The following TMEM132E variants were observed in gnomAD, a reference collection of about 807,000 sequenced individuals.
The protein encoded by TMEM132E is transmembrane protein 132E.
A neutral mutation model predicts 78.5 loss-of-function variants in TMEM132E; 49 were observed. That is an observed-to-expected ratio of 0.62 (90% CI 0.50 to 0.79). TMEM132E has a LOEUF of 0.79. Ranked by LOEUF, TMEM132E falls within the 30% of genes least tolerant of loss-of-function variation. TMEM132E has a pLI of 0.00. For missense variants in TMEM132E, 1,403 were observed against 1,470.9 expected (o/e 0.95, Z 0.75); for synonymous variants, 715 against 670.6 (o/e 1.07, Z -1.02).
In TMEM132E at chr17:34,626,468, G is replaced by A. The variant is rs1437910960; in HGVS notation, c.409G>A (p.Ala137Thr). Residue 137 changes from alanine to threonine, a missense_variant, in exon 2 of 9, where the codon GCC (alanine) becomes ACC (threonine). Physicochemically the swap from Ala to Thr is moderately conservative, Grantham distance 58. Around this residue, in one of 3 missense-constraint regions of TMEM132E, gnomAD observed 511 missense variants for 499.0 expected, o/e 1.02. Coordinates refer to ENST00000631683, the MANE Select transcript of TMEM132E (RefSeq NM_001304438.2). ...RAFIVRSHVP[A>T]SQPVVQVLFY... ...CTTCATCGTCCGCTCGCACGTGCCC[G>A]CCTCGCAGCCCGTGGTCCAGGTGCT... 1 of 1,612,866 alleles carries A rather than the reference G, an allele frequency of 6.2e-7. No homozygotes were observed. The highest frequency in any genetic ancestry group is 1.7e-5 in the Admixed American group (1 of 60,000).
Position 34,580,894 on chromosome 17 carries a change from C to T in TMEM132E, c.-183C>T, listed in dbSNP as rs1246092053. The T allele has an allele frequency of 3.0e-5, 14 of 468,126 alleles. No individual in the cohort carries two copies. Among genetic ancestry groups the T allele is most frequent in the South Asian group, 7.3e-5 (2 of 27,350 alleles). The allele number at this position is 468,126 out of a possible 1,614,324, so 29.0% of individuals were successfully genotyped here. ...CCCCCACCGGCTCCGAGGGTGTAGCCGCCAGCGCCTGGGACGCCCCCTCCC... is the reference window on the plus strand; with the variant it reads ...CCCCCACCGGCTCCGAGGGTGTAGCTGCCAGCGCCTGGGACGCCCCCTCCC... On this transcript the variant is annotated 5_prime_UTR_variant, in exon 1 of 9. Transcript: ENST00000631683.
chr17:34,623,433 G>A lies in TMEM132E; in HGVS notation c.68-2694G>A, dbSNP rs377635953. ...CCCCCCCCCGTCCCTCTACAGCCTG[G>A]ATAGTGAGCACTGAGAGCCCACTGA... On this transcript the variant is annotated intron_variant, in intron 1 of 8. Coordinates refer to ENST00000631683, the MANE Select transcript of TMEM132E (RefSeq NM_001304438.2). Among the ~76,000 whole-genome samples the A allele has an allele frequency of 5.8e-4, 85 of 146,516 alleles. No individual in the cohort carries two copies. In the East Asian group the frequency reaches 0.015, roughly 25 times the overall value.
intron 2 of TMEM132E, 55 bp from the exon 3 acceptor site, chr17:34,628,508 C>T (rs1796884750): frequency 4.4e-6 from 7 of 1,600,290 alleles, no homozygotes; most frequent in South Asian, 1.1e-5. Context: ...GCCAGGCAGG[C>T]AGCTTTGGGC....
At position 34,624,613 on chromosome 17, in the gene TMEM132E, G is replaced by C. The variant is rs371574061; in HGVS notation, c.68-1514G>C. 1.6e-4 allele frequency among the ~76,000 whole-genome samples: 25 copies of C among 152,306 alleles called. 2 individuals are homozygous for C. In the East Asian group the frequency reaches 1.9e-3, roughly 12 times the overall value. ...CAGAGGGTGCAGCATGAACAAAGGA[G>C]GGGAGATAAGGCAGCAGCCGTGAGT... is the stretch of plus-strand genomic sequence containing the variant. On this transcript the variant is annotated intron_variant, in intron 1 of 8. Coordinates refer to ENST00000631683, the MANE Select transcript of TMEM132E (RefSeq NM_001304438.2).
At chr17:34,631,035 C>T (rs1184369934) in intron 5 of TMEM132E, among the ~76,000 whole-genome samples, 3 of 152,188 alleles carry the variant, frequency 2.0e-5, no homozygotes, top group Non-Finnish European at 4.4e-5. Context: ...ACTATGCCAC[C>T]CTCCAGTAGG....
chr17:34,618,657 T>C (rs758456128), intron 1 of TMEM132E, among the ~76,000 whole-genome samples: 1 of 152,174 alleles, frequency 6.6e-6, no homozygotes, highest in Non-Finnish European at 1.5e-5. Flanking sequence ...CTAGAAAGCT[T>C]ACCTAGTTCA....
chr17:34,594,756 C>T (rs1046944259), intron 1 of TMEM132E, among the ~76,000 whole-genome samples: 1 of 152,132 alleles, frequency 6.6e-6, no homozygotes, highest in Non-Finnish European at 1.5e-5. Context: ...CCATGCCCAG[C>T]TAATTGGTTT....
In TMEM132E at chr17:34,635,018, T is replaced by C. The variant is rs1907474318; in HGVS notation, c.1908T>C (p.Asp636=). The change falls in exon 7 of 9, where the codon GAT becomes GAC. Residue 636 remains aspartate, a synonymous_variant. Transcript: ENST00000631683. ...DLVSDFMRVG[D]PRVAHMVDSS... The stretch of plus-strand genomic sequence containing the variant: ...TCAGTGACTTCATGCGGGTGGGCGA[T>C]CCCCGAGTGGCACACATGGTGGACA... 2 of 1,613,758 alleles carry C rather than the reference T, an allele frequency of 1.2e-6. No individual in the cohort carries two copies. Among genetic ancestry groups the C allele is most frequent in the Admixed American group, 3.3e-5 (2 of 59,984 alleles).
intron 1 of TMEM132E, among the ~76,000 whole-genome samples, chr17:34,588,675 C>T (rs1905760203): frequency 6.6e-6 from 1 of 152,078 alleles, no homozygotes; most frequent in African/African-American, 2.4e-5. Context: ...GGAAGGCAGA[C>T]AGTAAATAAT....
intron 1 of TMEM132E, among the ~76,000 whole-genome samples, chr17:34,609,225 G>A (rs764547278): frequency 8.5e-5 from 13 of 152,184 alleles, no homozygotes; most frequent in East Asian, 1.9e-4. Flanking sequence ...AGAAGCCTCC[G>A]GCTGCCCTGC....
chr17:34,613,558 A>G (rs556488576), intron 1 of TMEM132E, among the ~76,000 whole-genome samples: 3 of 148,592 alleles, frequency 2.0e-5, no homozygotes, highest in South Asian at 4.3e-4. Context: ...GGTTTTCTCT[A>G]TTTTCTCTCT....
chr17:34,603,325 A>T (rs1014959758), intron 1 of TMEM132E, among the ~76,000 whole-genome samples: 1 of 152,116 alleles, frequency 6.6e-6, no homozygotes, highest in Non-Finnish European at 1.5e-5. Flanking sequence ...TCGGACCCCC[A>T]GAAGGAACCT....
chr17:34,604,115 C>T (rs1193487730), intron 1 of TMEM132E, among the ~76,000 whole-genome samples: 2 of 152,214 alleles, frequency 1.3e-5, no homozygotes, highest in Non-Finnish European at 2.9e-5. Flanking sequence ...CTCACAACAA[C>T]AGTACTTGTA....
chr17:34,603,396 G>C (rs919587596), intron 1 of TMEM132E, among the ~76,000 whole-genome samples: 1 of 152,136 alleles, frequency 6.6e-6, no homozygotes, highest in Non-Finnish European at 1.5e-5. Flanking sequence ...AGGCGAGATG[G>C]CTCCCCACAG....
At position 34,637,858 on chromosome 17, in the gene TMEM132E, T is replaced by C; in HGVS notation, c.2851T>C (p.Ser951Pro). The change falls in exon 9 of 9, where the codon TCG (serine) becomes CCG (proline). Residue 951 changes from serine to proline, a missense_variant. Physicochemically the swap from Ser to Pro is moderately conservative, Grantham distance 74. Coordinates refer to ENST00000631683, the MANE Select transcript of TMEM132E (RefSeq NM_001304438.2). ...GCCGCTGCGGGTGCAAGGAGAGCTG[T>C]CGCCGCCAGCAGGCAACCCGCTGGA... Reference protein sequence around the residue: ...GQPLRVQGELSPPAGNPLETV... With the variant: ...GQPLRVQGELPPPAGNPLETV... 1 of 1,609,470 alleles carries C rather than the reference T, an allele frequency of 6.2e-7. No individual in the cohort carries two copies. The highest frequency in any genetic ancestry group is 8.5e-7 in the Non-Finnish European group (1 of 1,178,636).
Position 34,637,305 on chromosome 17 carries a change from C to T in TMEM132E, c.2298C>T (p.Asp766=). Residue 766 remains aspartate (D), a synonymous_variant, in exon 9 of 9, where the codon GAC becomes GAT. Coordinates refer to ENST00000631683, the MANE Select transcript of TMEM132E (RefSeq NM_001304438.2). ...AGCATGTGGCCACTGTGACCCAGGA[C>T]CGGGCCTTCCCTCTGGTAGTGGCTG... The part of the protein sequence containing the change: ...LDEHVATVTQ[D]RAFPLVVAEA... 1.2e-6 allele frequency: 2 copies of T among 1,614,142 alleles called. No homozygotes were observed. The highest frequency in any genetic ancestry group is 1.7e-6 in the Non-Finnish European group (2 of 1,180,048).
At chr17:34,627,475 T>C (rs535452275) in intron 2 of TMEM132E, among the ~76,000 whole-genome samples, 96 of 141,426 alleles carry the variant, frequency 6.8e-4, no homozygotes, top group African/African-American at 2.6e-3. Flanking sequence ...ATCGTGTGTG[T>C]GTGTGTGTGT....
intron 2 of TMEM132E, among the ~76,000 whole-genome samples, chr17:34,627,467 CGTGTGTGT>C (rs145658598): frequency 0.017 from 2,166 of 126,524 alleles, 80 homozygotes; most frequent in East Asian, 0.16. Flanking sequence ...CCAAAAGAAT[CGTGTGTGT>C]GTGTGTGTGT....
At chr17:34,607,384 C>A (rs1906450256) in intron 1 of TMEM132E, among the ~76,000 whole-genome samples, 1 of 152,116 alleles carries the variant, frequency 6.6e-6, no homozygotes, top group Non-Finnish European at 1.5e-5. Flanking sequence ...TGGGGAGGAC[C>A]CCTATTCTTC....
Sources: allele counts gnomAD v4.1 joint callset (sites outside exome capture counted in the v4.1 genomes callset), GRCh38; gene constraint gnomAD v4.1.1; regional missense constraint gnomAD v4.1.1; transcripts MANE v1.5; gene names NCBI Gene and HGNC (gene_info 2026-07-23, HGNC 2026-07-21).